The following SGCZ variants were observed in gnomAD, a reference collection of about 807,000 sequenced individuals.
SGCZ encodes sarcoglycan zeta.
Under a neutral mutation model 41.3 loss-of-function variants are expected in SGCZ, and 40 were observed. The observed-to-expected ratio is 0.97, with a 90% CI of 0.75 to 1.26. The LOEUF (loss-of-function observed/expected upper bound fraction) is 1.26, where lower values mean the gene tolerates loss of function less well. SGCZ is among the 50% of genes most tolerant of loss of function. The probability of loss-of-function intolerance (pLI) is 0.00; values close to 1 mark genes in which losing one functional copy is unlikely to be tolerated. For synonymous variants in SGCZ, 206 were observed against 137.5 expected (o/e 1.50, Z -3.49); for missense variants, 552 against 369.8 (o/e 1.49, Z -4.04).
At chr8:14,113,254 C>T (rs1253030755) in intron 5 of SGCZ, among the ~76,000 whole-genome samples, 1 of 152,066 alleles carries the variant, frequency 6.6e-6, no homozygotes, top group Non-Finnish European at 1.5e-5. Flanking sequence ...TCTTTTCTTC[C>T]ACTTACGTAT....
rs185925531 is a variant in SGCZ at position 14,255,470 on chromosome 8, T to C, written c.337-17791A>G. On this transcript the variant is annotated intron_variant, in intron 3 of 7. Coordinates refer to ENST00000382080, the MANE Select transcript of SGCZ (RefSeq NM_139167.4). ...TGCCCAACACCAACATGTAAAAAAA[T>C]TTCTTGAGGATTGAGGTAAAAGTAC... Among the ~76,000 whole-genome samples, 3 of 152,226 alleles carry C rather than the reference T, an allele frequency of 2.0e-5. No individual in the cohort carries two copies. In the East Asian group the frequency reaches 5.8e-4, roughly 29 times the overall value.
In SGCZ at chr8:14,430,057, G is replaced by A. The variant is rs187568345; in HGVS notation, c.235-105853C>T. ...TTTAGATTTTCTTTCTTCTTTTCTC[G>A]GTTAATCTGGCCAGTGGTCTCCAAG... On this transcript the variant is annotated intron_variant, in intron 2 of 7. Transcript: ENST00000382080. Among the ~76,000 whole-genome samples the A allele has an allele frequency of 8.9e-4, 134 of 150,672 alleles. 2 individuals carry two copies. The highest frequency in any genetic ancestry group is 2.2e-3 in the East Asian group (11 of 5,110).
chr8:14,874,403 T>C (rs1204863122), intron 1 of SGCZ, among the ~76,000 whole-genome samples: 2 of 152,122 alleles, frequency 1.3e-5, no homozygotes, highest in Non-Finnish European at 2.9e-5. Flanking sequence ...ACTTTGTAGA[T>C]TATTTTTAAT....
intron 1 of SGCZ, among the ~76,000 whole-genome samples, chr8:14,953,866 T>A (rs1194774541): frequency 6.6e-6 from 1 of 152,194 alleles, no homozygotes; most frequent in African/African-American, 2.4e-5. Context: ...TTGTAAACAC[T>A]CAAGTCTCTA....
At chr8:14,247,649 C>G (rs1281264204) in intron 3 of SGCZ, among the ~76,000 whole-genome samples, 1 of 152,206 alleles carries the variant, frequency 6.6e-6, no homozygotes. Flanking sequence ...ACATTTGCAG[C>G]AACTAGGAGA....
At chr8:14,328,970 A>G (rs565463959) in intron 2 of SGCZ, among the ~76,000 whole-genome samples, 1 of 152,310 alleles carries the variant, frequency 6.6e-6, no homozygotes, top group Non-Finnish European at 1.5e-5. Flanking sequence ...CCAACTTGGA[A>G]GCAAACAGCA....
intron 2 of SGCZ, among the ~76,000 whole-genome samples, chr8:14,364,480 A>G (rs1442987153): frequency 6.6e-6 from 1 of 152,126 alleles, no homozygotes; most frequent in African/African-American, 2.4e-5. Flanking sequence ...GCAGCAATGC[A>G]TTGAGGATTT....
At chr8:15,110,953 A>G (rs769688444) in intron 1 of SGCZ, among the ~76,000 whole-genome samples, 13 of 152,146 alleles carry the variant, frequency 8.5e-5, no homozygotes, top group Non-Finnish European at 1.5e-4. Context: ...GGGCAAAAAA[A>G]AGTGAAACTC....
chr8:15,006,484 G>A (rs947716969), intron 1 of SGCZ, among the ~76,000 whole-genome samples: 1 of 152,118 alleles, frequency 6.6e-6, no homozygotes, highest in African/African-American at 2.4e-5. Flanking sequence ...ATTTTGTTTA[G>A]ACAATTTTGA....
intron 1 of SGCZ, among the ~76,000 whole-genome samples, chr8:15,036,597 T>A (rs1306598367): frequency 6.6e-6 from 1 of 152,090 alleles, no homozygotes; most frequent in East Asian, 1.9e-4. Context: ...TAAAATAAAA[T>A]GTCTCTCATC....
At chr8:14,172,987 G>C (rs1804432910) in intron 4 of SGCZ, among the ~76,000 whole-genome samples, 1 of 152,144 alleles carries the variant, frequency 6.6e-6, no homozygotes, top group Admixed American at 6.6e-5. Context: ...CTTCCAACCA[G>C]AGTGTTGGTA....
intron 3 of SGCZ, among the ~76,000 whole-genome samples, chr8:14,239,618 G>A (rs1798787345): frequency 1.3e-5 from 2 of 152,046 alleles, no homozygotes; most frequent in Non-Finnish European, 2.9e-5. Context: ...GACTATGTAA[G>A]TATATTATAA....
intron 1 of SGCZ, among the ~76,000 whole-genome samples, chr8:15,168,794 G>A (rs948498629): frequency 9.2e-5 from 14 of 152,082 alleles, no homozygotes; most frequent in African/African-American, 2.4e-4. Context: ...TCCATATGAC[G>A]GGACCCTCCC....
At chr8:14,914,048 A>G (rs923830835) in intron 1 of SGCZ, among the ~76,000 whole-genome samples, 2 of 152,104 alleles carry the variant, frequency 1.3e-5, no homozygotes, top group African/African-American at 4.8e-5. Context: ...ATACAAATAC[A>G]TATGTATATA....
At chr8:15,140,097 T>C (rs370135797) in intron 1 of SGCZ, among the ~76,000 whole-genome samples, 14 of 152,202 alleles carry the variant, frequency 9.2e-5, no homozygotes, top group Middle Eastern at 3.4e-3. Flanking sequence ...CTTGGCTCTC[T>C]GCAACCATCA....
chr8:14,445,905 A>G (rs1273898104), intron 2 of SGCZ, among the ~76,000 whole-genome samples: 3 of 152,022 alleles, frequency 2.0e-5, no homozygotes, highest in Admixed American at 1.3e-4. Context: ...CTCATGCCTG[A>G]TCTGGCCATC....
rs554092182 is a variant in SGCZ at position 14,462,817 on chromosome 8, T to C, written c.234+91915A>G. On this transcript the variant is annotated intron_variant, in intron 2 of 7. Transcript: ENST00000382080. ...CTGTAGATCATTTGGGGTAATACTG[T>C]CATCTTAACAATATTAAACCTTCCA... 2.8e-3 allele frequency among the ~76,000 whole-genome samples: 422 copies of C among 152,008 alleles called. 2 individuals carry two copies. The highest frequency in any genetic ancestry group is 5.0e-3 in the Non-Finnish European group (336 of 67,824).
intron 1 of SGCZ, among the ~76,000 whole-genome samples, chr8:15,021,192 T>C (rs1039524575): frequency 2.0e-5 from 3 of 152,226 alleles, no homozygotes; most frequent in African/African-American, 7.2e-5. Context: ...TCTAATAGAT[T>C]TAGAACTGGT....
At chr8:14,849,392 C>T (rs1423754886) in intron 1 of SGCZ, among the ~76,000 whole-genome samples, 1 of 151,796 alleles carries the variant, frequency 6.6e-6, no homozygotes, top group African/African-American at 2.4e-5. Flanking sequence ...ATTTTCATAG[C>T]AGCTTTTTTT....
Sources: gnomAD v4.1 joint callset for allele counts (sites outside exome capture counted in the v4.1 genomes callset) on GRCh38, gnomAD v4.1.1 for gene constraint, MANE v1.5 for transcripts, NCBI Gene and HGNC (gene_info 2026-07-23, HGNC 2026-07-21) for gene names.